MAP3K4: variants seen among roughly 807,000 people sequenced by gnomAD.
MAP3K4 encodes MAP three kinase 1.
MAP3K4 carries 67 observed loss-of-function variants against 185.6 expected under a neutral mutation model. That is an observed-to-expected ratio of 0.36 (90% confidence interval 0.30 to 0.44). The LOEUF is 0.44. Among genes scored for constraint, MAP3K4 ranks in the 20% least tolerant of loss-of-function variants. MAP3K4 has a pLI of 1.00. For synonymous variants in MAP3K4, 702 were observed against 710.4 expected (o/e 0.99, Z 0.19); for missense variants, 1,551 against 1,995.1 (o/e 0.78, Z 4.24).
At chr6:161,085,819 A>C (rs1457140930) in intron 7 of MAP3K4, among the ~76,000 whole-genome samples, 1 of 152,194 alleles carries the variant, frequency 6.6e-6, no homozygotes, top group East Asian at 1.9e-4. Context: ...GTTCCAGTTC[A>C]GGGGGCCATG....
intron 1 of MAP3K4, among the ~76,000 whole-genome samples, chr6:161,004,579 A>G (rs1416695714): frequency 2.0e-5 from 3 of 152,198 alleles, no homozygotes; most frequent in Non-Finnish European, 2.9e-5. Flanking sequence ...TTTAGGTGCA[A>G]ATGATATTTA....
Position 161,070,697 on chromosome 6 carries a change from G to C in MAP3K4, c.1797G>C (p.Val599=), listed in dbSNP as rs749887404. Residue 599 remains valine (V), a synonymous_variant, in exon 4 of 27, where the codon GTG becomes GTC. Transcript: ENST00000392142. The surrounding 1 kb of genome is among the most constrained non-coding windows in gnomAD (Gnocchi z 4.5). The stretch of plus-strand genomic sequence containing the variant: ...CATCTGAGGAGAAATGCAGTGCTGT[G>C]TCGTGGGAGGAGCTGAAGGCCATGG... ...PPSSEEKCSA[V]SWEELKAMDL... The C allele has an allele frequency of 6.2e-7, 1 of 1,614,162 alleles. No individual in the cohort carries two copies. Among genetic ancestry groups the C allele is most frequent in the South Asian group, 1.1e-5 (1 of 91,080 alleles).
chr6:161,093,521 T>C lies in MAP3K4; in HGVS notation c.3349-252T>C, dbSNP rs528888181. Among the ~76,000 whole-genome samples the C allele has an allele frequency of 6.6e-6, 1 of 152,338 alleles. No homozygotes were observed. The highest frequency in any genetic ancestry group is 2.1e-4 in the South Asian group (1 of 4,832). On this transcript the variant is annotated intron_variant, in intron 14 of 26. Transcript: ENST00000392142. This position sits in a 1 kb window ranked among gnomAD's most constrained non-coding sequence, Gnocchi z 5.2. Reference sequence around the variant, plus strand: ...TAGTAGAGACGATTACATGAAAAGTTCTTTGCTTGTACACGTTATTGTGTT... The same window carrying C: ...TAGTAGAGACGATTACATGAAAAGTCCTTTGCTTGTACACGTTATTGTGTT...
At chr6:161,072,303 T>C (rs1168663010) in intron 4 of MAP3K4, among the ~76,000 whole-genome samples, 1 of 152,206 alleles carries the variant, frequency 6.6e-6, no homozygotes, top group African/African-American at 2.4e-5. Flanking sequence ...AAAATCAAAA[T>C]CAAAAATAAT....
At chr6:161,006,692 G>T (rs1298438073) in intron 1 of MAP3K4, among the ~76,000 whole-genome samples, 1 of 152,114 alleles carries the variant, frequency 6.6e-6, no homozygotes, top group Non-Finnish European at 1.5e-5. Flanking sequence ...ATCATCTAAA[G>T]GTAGGAACAT....
intron 1 of MAP3K4, among the ~76,000 whole-genome samples, chr6:161,032,293 A>G (rs1378528541): frequency 1.3e-5 from 2 of 152,186 alleles, no homozygotes; most frequent in Non-Finnish European, 2.9e-5. Context: ...CTTAAGGTGA[A>G]GCAGATAGAT....
At position 161,115,326 on chromosome 6, in the gene MAP3K4, T is replaced by G; in HGVS notation, c.4806+24T>G. ...AGGTTTGGCAGATTACTGGATAGTCTTTTTCATGTTTAAGTGTTTAAGTTC... is the reference window on the plus strand; with the variant it reads ...AGGTTTGGCAGATTACTGGATAGTCGTTTTCATGTTTAAGTGTTTAAGTTC... On this transcript the variant is annotated intron_variant, in intron 26 of 26. Transcript: ENST00000392142. This position sits in a 1 kb window ranked among gnomAD's most constrained non-coding sequence, Gnocchi z 6.0. The G allele has an allele frequency of 6.3e-7, 1 of 1,581,464 alleles. No individual in the cohort carries two copies. The highest frequency in any genetic ancestry group is 8.6e-7 in the Non-Finnish European group (1 of 1,160,446).
chr6:161,089,235 T>G, intron 10 of MAP3K4, 87 bp from the exon 11 acceptor site: 1 of 1,411,066 alleles, frequency 7.1e-7, no homozygotes, highest in Non-Finnish European at 9.6e-7. Context: ...TCCCTGAGAT[T>G]GGCATTGTTT....
At chr6:161,058,314 A>G (rs1366059507) in intron 3 of MAP3K4, among the ~76,000 whole-genome samples, 3 of 152,232 alleles carry the variant, frequency 2.0e-5, no homozygotes, top group Non-Finnish European at 2.9e-5. Flanking sequence ...CACTGGGTCC[A>G]CATTCCCACA....
rs1300919656 is a variant in MAP3K4, at chr6:161,082,188, G to A, written c.2255+1150G>A. Among the ~76,000 whole-genome samples, 2 of 151,834 alleles carry A rather than the reference G, an allele frequency of 1.3e-5. No individual in the cohort carries two copies. The highest frequency in any genetic ancestry group is 2.4e-5 in the African/African-American group (1 of 41,322). On this transcript the variant is annotated intron_variant, in intron 6 of 26. Transcript: ENST00000392142. This position sits in a 1 kb window ranked among gnomAD's most constrained non-coding sequence, Gnocchi z 4.2. ...TGTGATCCCCAGGCTGTCTTTGCTT[G>A]TCTGTTCAGCTTGGTGCCCATAGTC...
Position 161,112,025 on chromosome 6 carries a change from C to G in MAP3K4, c.4519+67C>G. Reference sequence around the variant, plus strand: ...CAGCCTGCTTGGGGCCTGCATGTTCCCTTCACCTTTGTTTGTCAGTAGAGA... The same window carrying G: ...CAGCCTGCTTGGGGCCTGCATGTTCGCTTCACCTTTGTTTGTCAGTAGAGA... On this transcript the variant is annotated intron_variant, in intron 24 of 26. Coordinates refer to ENST00000392142, the MANE Select transcript of MAP3K4 (RefSeq NM_005922.4). This position sits in a 1 kb window ranked among gnomAD's most constrained non-coding sequence, Gnocchi z 5.1. The G allele has an allele frequency of 6.3e-7, 1 of 1,579,330 alleles. No homozygotes were observed. The highest frequency in any genetic ancestry group is 8.6e-7 in the Non-Finnish European group (1 of 1,160,790).
chr6:161,009,643 A>T (rs1241903067), intron 1 of MAP3K4, among the ~76,000 whole-genome samples: 1 of 152,138 alleles, frequency 6.6e-6, no homozygotes, highest in Non-Finnish European at 1.5e-5. Flanking sequence ...TCATCCATTG[A>T]TGAACATTTT....
chr6:161,102,086 CT>C, intron 18 of MAP3K4, 94 bp downstream of exon 18: 1 of 953,172 alleles, frequency 1.0e-6, no homozygotes, highest in Non-Finnish European at 1.6e-6. Context: ...ATGAGGATTC[CT>C]TGAAGATTCC....
At chr6:161,019,903 G>A (rs940088447) in intron 1 of MAP3K4, among the ~76,000 whole-genome samples, 2 of 152,158 alleles carry the variant, frequency 1.3e-5, no homozygotes, top group Non-Finnish European at 2.9e-5. Flanking sequence ...ATGGAGGCCA[G>A]TATCACTCCA....
intron 1 of MAP3K4, 155 bp downstream of exon 1, chr6:160,992,238 G>A: frequency 9.4e-7 from 1 of 1,059,586 alleles, no homozygotes; most frequent in Non-Finnish European, 1.3e-6. Context: ...GCATCCCTGG[G>A]TCCCAGGGGA....
chr6:161,026,733 C>CTTTTTTTTTTTTTTTT (rs553664182), intron 1 of MAP3K4, among the ~76,000 whole-genome samples: 12 of 96,098 alleles, frequency 1.2e-4, no homozygotes, highest in African/African-American at 2.2e-4. Flanking sequence ...GTTCTCTCTC[C>CTTTTTTTTTTTTTTTT]TTTTTTTTTT....
intron 1 of MAP3K4, among the ~76,000 whole-genome samples, chr6:161,030,210 C>G (rs1162654889): frequency 6.6e-6 from 1 of 151,976 alleles, no homozygotes; most frequent in Non-Finnish European, 1.5e-5. Context: ...GCACTGGTAC[C>G]CTGTTTTTTT....
In MAP3K4 at chr6:161,103,730, C is replaced by T. The variant is rs373065544; in HGVS notation, c.3856+951C>T. On this transcript the variant is annotated intron_variant, in intron 19 of 26. Coordinates refer to ENST00000392142, the MANE Select transcript of MAP3K4 (RefSeq NM_005922.4). The surrounding 1 kb of genome is among the most constrained non-coding windows in gnomAD (Gnocchi z 4.6). ...TGTGGGAGGCTGGGGATGAGTAAGA[C>T]GCTGAGATAGTATAGTCTGCTAGCC... Among the ~76,000 whole-genome samples, 12 of 152,270 alleles carry T rather than the reference C, an allele frequency of 7.9e-5. No individual in the cohort carries two copies. The East Asian group carries it at 1.7e-3, about 22-fold the overall frequency.
intron 15 of MAP3K4, among the ~76,000 whole-genome samples, chr6:161,094,446 T>C (rs976090685): frequency 2.8e-4 from 43 of 152,272 alleles, no homozygotes; most frequent in African/African-American, 1.0e-3. Context: ...TTAACACTTT[T>C]ATAGTATATG....
Sources: gnomAD v4.1 joint callset for allele counts (sites outside exome capture counted in the v4.1 genomes callset) on GRCh38, gnomAD v4.1.1 for gene constraint, Gnocchi (gnomAD v3.1) non-coding constraint, MANE v1.5 for transcripts, NCBI Gene and HGNC (gene_info 2026-07-23, HGNC 2026-07-21) for gene names.